PCDHA6: variants seen among roughly 807,000 people sequenced by gnomAD.
PCDHA6 encodes protocadherin alpha-6.
In PCDHA6, 55 loss-of-function variants were observed where a neutral mutation model predicts 60.3. The ratio of observed to expected loss-of-function variants is 0.91; its 90% CI spans 0.73 to 1.14. The LOEUF (loss-of-function observed/expected upper bound fraction) is 1.14. Among genes scored for constraint, PCDHA6 ranks in the 50% most tolerant of loss-of-function variants. The pLI, the probability that PCDHA6 is intolerant of heterozygous loss-of-function variation, is 0.00. For synonymous variants in PCDHA6, 652 were observed against 557.9 expected, an observed-to-expected ratio of 1.17 and a Z score of -2.38; for missense variants, 1,327 against 1,256.5, an observed-to-expected ratio of 1.06 and a Z score of -0.85.
intron 1 of PCDHA6, among the ~76,000 whole-genome samples, chr5:140,905,999 G>T (rs781796509): frequency 1.3e-5 from 2 of 152,140 alleles, no homozygotes; most frequent in Non-Finnish European, 2.9e-5. Flanking sequence ...AGGCTGGGAG[G>T]CTAAGCCAGT....
chr5:140,843,269 C>T, intron 1 of PCDHA6: 1 of 1,596,112 alleles, frequency 6.3e-7, no homozygotes, highest in Non-Finnish European at 8.6e-7. Flanking sequence ...TCTGCTGGTC[C>T]TGGTGAAGGA....
intron 1 of PCDHA6, chr5:140,967,330 C>G: frequency 6.2e-7 from 1 of 1,608,074 alleles, no homozygotes; most frequent in South Asian, 1.1e-5. Context: ...ACGAGCTCAG[C>G]CCCAGCGAGC....
chr5:140,849,881 G>T, intron 1 of PCDHA6: 1 of 1,598,596 alleles, frequency 6.3e-7, no homozygotes, highest in Non-Finnish European at 8.6e-7. Flanking sequence ...AGTACACGGT[G>T]TTCGTGAAGG....
chr5:140,942,255 A>G (rs2093254394), intron 1 of PCDHA6, among the ~76,000 whole-genome samples: 1 of 152,194 alleles, frequency 6.6e-6, no homozygotes, highest in Non-Finnish European at 1.5e-5. Context: ...TCATTAAAAG[A>G]TATCTAAAGC....
At chr5:140,893,762 T>A (rs1337056301) in intron 1 of PCDHA6, among the ~76,000 whole-genome samples, 1 of 152,196 alleles carries the variant, frequency 6.6e-6, no homozygotes, top group Non-Finnish European at 1.5e-5. Context: ...TATAGGTGAC[T>A]TGTCACTTTT....
chr5:140,878,139 T>G, intron 1 of PCDHA6: 1 of 191,254 alleles, frequency 5.2e-6, no homozygotes, highest in South Asian at 1.6e-4. Flanking sequence ...AGTGGCCAGA[T>G]GTTTGATAAC....
chr5:140,948,267 A>C (rs964252489), intron 1 of PCDHA6, among the ~76,000 whole-genome samples: 1 of 151,646 alleles, frequency 6.6e-6, no homozygotes, highest in South Asian at 2.1e-4. Context: ...GTGTTCATGT[A>C]GAATATCTGT....
intron 1 of PCDHA6, among the ~76,000 whole-genome samples, chr5:140,954,580 T>C (rs1193569920): frequency 1.3e-5 from 2 of 152,174 alleles, no homozygotes; most frequent in African/African-American, 4.8e-5. Flanking sequence ...TTTTCAGAAG[T>C]GTCTGTTCAT....
At position 140,830,434 on chromosome 5, in the gene PCDHA6, T is replaced by C. The variant is rs1771061273; in HGVS notation, c.2343T>C (p.Ile781=). The change falls in exon 1 of 4, where the codon ATT becomes ATC. Residue 781 remains isoleucine, a synonymous_variant. Coordinates refer to ENST00000529310, the MANE Select transcript of PCDHA6 (RefSeq NM_018909.4). The part of the protein sequence containing the change: ...AFSPSLSPCP[I]MMGKAENQDL... ...GCCCCAGCCTTTCACCTTGTCCTAT[T>C]ATGATGGGTAAGGCGGAGAATCAGG... The C allele has an allele frequency of 1.2e-6, 2 of 1,613,288 alleles. No individual in the cohort carries two copies. Among genetic ancestry groups the C allele is most frequent in the Non-Finnish European group, 1.7e-6 (2 of 1,179,316 alleles).
chr5:140,954,470 G>T (rs999752135), intron 1 of PCDHA6, among the ~76,000 whole-genome samples: 2 of 152,150 alleles, frequency 1.3e-5, no homozygotes, highest in Non-Finnish European at 2.9e-5. Flanking sequence ...ATTCTGACTG[G>T]TGTGAGAAGA....
At chr5:140,937,020 G>A (rs2091265832) in intron 1 of PCDHA6, among the ~76,000 whole-genome samples, 1 of 151,388 alleles carries the variant, frequency 6.6e-6, no homozygotes. Flanking sequence ...CGATTAACAA[G>A]GTATATTCTT....
chr5:140,835,608 C>T (rs1554135105), intron 1 of PCDHA6: 3 of 1,613,898 alleles, frequency 1.9e-6, no homozygotes, highest in East Asian at 2.2e-5. Flanking sequence ...TTCATTGGTG[C>T]TGGACAGCGC....
intron 1 of PCDHA6, chr5:140,877,144 G>A (rs543806401): frequency 1.9e-6 from 3 of 1,613,772 alleles, no homozygotes; most frequent in South Asian, 2.2e-5. Context: ...CGTGCTGGAC[G>A]AGAACGACAA....
intron 1 of PCDHA6, chr5:140,927,104 C>T (rs1554204027): frequency 6.2e-7 from 1 of 1,613,722 alleles, no homozygotes; most frequent in Admixed American, 1.7e-5. Flanking sequence ...GTGGATCTAC[C>T]CAGCGGCAAT....
At chr5:140,882,424 G>C in intron 1 of PCDHA6, 1 of 1,614,114 alleles carries the variant, frequency 6.2e-7, no homozygotes, top group Non-Finnish European at 8.5e-7. Context: ...CTCAGGACCT[G>C]GGGCTGGAGC....
chr5:140,892,424 C>T (rs1288815822), intron 1 of PCDHA6, among the ~76,000 whole-genome samples: 1 of 152,040 alleles, frequency 6.6e-6, no homozygotes, highest in Non-Finnish European at 1.5e-5. Context: ...CTAGATAAAA[C>T]CTCATTATCT....
intron 1 of PCDHA6, among the ~76,000 whole-genome samples, chr5:140,941,239 C>CTTTCTTTCT (rs2092936825): frequency 7.4e-6 from 1 of 134,500 alleles, no homozygotes; most frequent in South Asian, 2.4e-4. Context: ...TTCTTTCTTT[C>CTTTCTTTCT]TTTCTTTCTT....
intron 1 of PCDHA6, chr5:140,850,180 C>G: frequency 6.3e-7 from 1 of 1,593,798 alleles, no homozygotes; most frequent in African/African-American, 1.3e-5. Flanking sequence ...AACGACAATG[C>G]GCCGGCGCTG....
At chr5:140,883,303 T>C in intron 1 of PCDHA6, 3 of 1,614,096 alleles carry the variant, frequency 1.9e-6, no homozygotes, top group Non-Finnish European at 2.5e-6. Flanking sequence ...ATGTAAATGA[T>C]AACGCCCCAG....
Sources: allele counts gnomAD v4.1 joint callset (sites outside exome capture counted in the v4.1 genomes callset), GRCh38; gene constraint gnomAD v4.1.1; transcripts MANE v1.5; gene names NCBI Gene and HGNC (gene_info 2026-07-23, HGNC 2026-07-21).